FGFR2: variants seen among roughly 807,000 people sequenced by gnomAD.
The protein encoded by FGFR2 is BEK fibroblast growth factor receptor.
In FGFR2, 19 loss-of-function variants were observed where a neutral mutation model predicts 95.9. The observed-to-expected ratio is 0.20, with a 90% CI of 0.14 to 0.29. The LOEUF (loss-of-function observed/expected upper bound fraction) is 0.29. FGFR2 is among the 10% of genes least tolerant of loss of function. The pLI, the probability that FGFR2 is intolerant of heterozygous loss-of-function variation, is 1.00. For missense variants in FGFR2, 707 were observed against 1,056.9 expected (o/e 0.67, Z 4.59); for synonymous variants, 392 against 393.3 (o/e 1.00, Z 0.04).
At chr10:121,511,238 T>TG (rs1849024011) in intron 9 of FGFR2, among the ~76,000 whole-genome samples, 1 of 151,734 alleles carries the variant, frequency 6.6e-6, no homozygotes, top group African/African-American at 2.4e-5. Context: ...AGAGAGGGTG[T>TG]AAGCTGCACA....
At chr10:121,499,153 A>G (rs547438116) in intron 11 of FGFR2, among the ~76,000 whole-genome samples, 1 of 152,280 alleles carries the variant, frequency 6.6e-6, no homozygotes, top group Admixed American at 6.5e-5. Context: ...GGCTTCTCAG[A>G]GGGCACTGCA....
intron 2 of FGFR2, among the ~76,000 whole-genome samples, chr10:121,570,573 C>T (rs1478491729): frequency 6.6e-6 from 1 of 152,238 alleles, no homozygotes; most frequent in African/African-American, 2.4e-5. Flanking sequence ...GCATACTTTT[C>T]ACCTTTCCTG....
At chr10:121,501,056 G>C (rs2134016791) in intron 10 of FGFR2, 109 bp from the exon 11 acceptor site, 1 of 1,482,550 alleles carries the variant, frequency 6.7e-7, no homozygotes, top group Non-Finnish European at 9.2e-7. Flanking sequence ...AAAGCATGGA[G>C]TGCTTATCAT....
At chr10:121,519,900 C>G (rs1850250731) in intron 7 of FGFR2, 79 bp downstream of exon 7, 1 of 1,389,128 alleles carries the variant, frequency 7.2e-7, no homozygotes, top group Non-Finnish European at 1.0e-6. Context: ...TCAACTCCAA[C>G]AGGAAATCAA....
intron 6 of FGFR2, among the ~76,000 whole-genome samples, chr10:121,537,550 C>T (rs1853032050): frequency 6.6e-6 from 1 of 152,134 alleles, no homozygotes; most frequent in Non-Finnish European, 1.5e-5. Context: ...TGAGATGATA[C>T]TAGGCACACA....
intron 2 of FGFR2, among the ~76,000 whole-genome samples, chr10:121,569,403 A>G (rs928579914): frequency 6.6e-6 from 1 of 151,882 alleles, no homozygotes; most frequent in Non-Finnish European, 1.5e-5. Flanking sequence ...TTGTATTTTT[A>G]TGAGAGACAG....
At chr10:121,547,421 G>A (rs925962446) in intron 5 of FGFR2, among the ~76,000 whole-genome samples, 1 of 147,162 alleles carries the variant, frequency 6.8e-6, no homozygotes, top group African/African-American at 2.5e-5. Flanking sequence ...TTTTGACAGA[G>A]TCTTCCTCTA....
intron 17 of FGFR2, among the ~76,000 whole-genome samples, chr10:121,483,483 G>A (rs1008617258): frequency 3.3e-5 from 5 of 152,164 alleles, no homozygotes; most frequent in Non-Finnish European, 5.9e-5. Context: ...ATGTCCCTCT[G>A]TCTTTGGTTT....
intron 16 of FGFR2, 55 bp from the exon 17 acceptor site, chr10:121,483,858 T>C (rs1845076828): frequency 6.6e-6 from 9 of 1,362,330 alleles, no homozygotes; most frequent in East Asian, 4.7e-5. Flanking sequence ...TACGTGGTTA[T>C]AGTCAGTTTT....
At chr10:121,534,909 G>A (rs1248657096) in intron 6 of FGFR2, among the ~76,000 whole-genome samples, 1 of 152,164 alleles carries the variant, frequency 6.6e-6, no homozygotes, top group African/African-American at 2.4e-5. Context: ...CTTTGAGAAG[G>A]TACGTCCACG....
chr10:121,569,807 C>T (rs1858312535), intron 2 of FGFR2, among the ~76,000 whole-genome samples: 1 of 152,232 alleles, frequency 6.6e-6, no homozygotes, highest in Admixed American at 6.5e-5. Context: ...CCTCCCTCCA[C>T]CCCTTCAGTG....
rs954708896 is a variant in FGFR2, at chr10:121,548,128, C to G, written c.624+3162G>C. On this transcript the variant is annotated intron_variant, in intron 5 of 17. Transcript: ENST00000358487. Reference sequence around the variant, plus strand: ...GCTGACCACCTCTGCAACTAGCGGGCCAACCTCCCAGGCCGCCCCACCCTA... The same window carrying G: ...GCTGACCACCTCTGCAACTAGCGGGGCAACCTCCCAGGCCGCCCCACCCTA... Among the ~76,000 whole-genome samples, 2 of 152,192 alleles carry G rather than the reference C, an allele frequency of 1.3e-5. 1 individual carries two copies. Among genetic ancestry groups the G allele is most frequent in the South Asian group, 4.2e-4 (2 of 4,806 alleles).
chr10:121,509,506 T>C (rs1290459616), intron 9 of FGFR2, among the ~76,000 whole-genome samples: 1 of 79,292 alleles, frequency 1.3e-5, no homozygotes, highest in East Asian at 2.5e-4. Flanking sequence ...TTTTTTTTTT[T>C]TTTGGTTTGA....
intron 6 of FGFR2, 76 bp downstream of exon 6, chr10:121,538,516 T>G (rs1316089842): frequency 3.8e-6 from 6 of 1,597,194 alleles, no homozygotes; most frequent in African/African-American, 1.3e-5. Flanking sequence ...AAACAGGACT[T>G]AACGTTCATG....
intron 5 of FGFR2, among the ~76,000 whole-genome samples, chr10:121,541,809 T>G (rs1853797113): frequency 1.3e-5 from 2 of 152,088 alleles, no homozygotes. Context: ...CAATTGAGAA[T>G]GGGAACATAA....
At position 121,564,507 on chromosome 10, in the gene FGFR2, T is replaced by C. The variant is rs762030875; in HGVS notation, c.449A>G (p.Asn150Ser). 3.7e-6 allele frequency: 6 copies of C among 1,613,852 alleles called. No homozygotes were observed. The highest frequency in any genetic ancestry group is 5.1e-6 in the Non-Finnish European group (6 of 1,179,832). ...AEDFVSENSN[N>S]KRAPYWTNTE... ...GGAGCCGGGCAGTTACTTACTCTTGTTGTTACTGTTCTCACTGACAAAATC... is the reference window on the plus strand; with the variant it reads ...GGAGCCGGGCAGTTACTTACTCTTGCTGTTACTGTTCTCACTGACAAAATC... Residue 150 changes from asparagine (N) to serine (S), a missense_variant, in exon 4 of 18, where the codon AAC (asparagine) becomes AGC (serine). This residue lies in a region of FGFR2 where 178 missense variants were observed against 194.1 expected (regional missense o/e 0.92). Coordinates refer to ENST00000358487, the MANE Select transcript of FGFR2 (RefSeq NM_000141.5).
chr10:121,565,574 C>T lies in FGFR2; in HGVS notation c.240G>A (p.Gly80=). ...ISWTKDGVHL[G]PNNRTVLIGE... ...CAATAAGCACTGTCCTATTGTTGGG[C>T]CCCAAGTGCACCCCATCCTTAGTCC... is the stretch of plus-strand genomic sequence containing the variant. The change falls in exon 3 of 18, where the codon GGG becomes GGA. Residue 80 remains glycine (G), a synonymous_variant. Coordinates refer to ENST00000358487, the MANE Select transcript of FGFR2 (RefSeq NM_000141.5). 3 of 1,614,190 alleles carry T rather than the reference C, an allele frequency of 1.9e-6. No homozygotes were observed. Among genetic ancestry groups the T allele is most frequent in the Non-Finnish European group, 2.5e-6 (3 of 1,180,032 alleles).
intron 17 of FGFR2, chr10:121,480,257 G>A (rs756574703): frequency 3.0e-5 from 18 of 607,644 alleles, no homozygotes; most frequent in Admixed American, 9.7e-5. Context: ...CTGAGACCAC[G>A]TCTGATGTAC....
chr10:121,580,489 A>G (rs1386469031), intron 2 of FGFR2, among the ~76,000 whole-genome samples: 1 of 152,156 alleles, frequency 6.6e-6, no homozygotes, highest in Non-Finnish European at 1.5e-5. Flanking sequence ...ACCCGTGCAG[A>G]CGCCTGAAGG....
Sources: gnomAD v4.1 joint callset for allele counts (sites outside exome capture counted in the v4.1 genomes callset) on GRCh38, gnomAD v4.1.1 for gene constraint, gnomAD v4.1.1 regional missense constraint, MANE v1.5 for transcripts, NCBI Gene and HGNC (gene_info 2026-07-23, HGNC 2026-07-21) for gene names.